The following ZSWIM6 variants were observed in gnomAD, a reference collection of about 807,000 sequenced individuals.
ZSWIM6 encodes zinc finger SWIM domain-containing protein 6.
Under a neutral mutation model 113.2 loss-of-function variants are expected in ZSWIM6, and 9 were observed. That is an observed-to-expected ratio of 0.08 (90% CI 0.05 to 0.14). ZSWIM6 has a LOEUF of 0.14. Among genes scored for constraint, ZSWIM6 ranks in the 10% least tolerant of loss-of-function variants. The pLI is 1.00. For missense variants in ZSWIM6, 1,162 were observed against 1,552.2 expected (o/e 0.75, Z 4.22); for synonymous variants, 611 against 606.5 (o/e 1.01, Z -0.11).
chr5:61,415,391 G>A (rs775917459), intron 1 of ZSWIM6, among the ~76,000 whole-genome samples: 8 of 152,074 alleles, frequency 5.3e-5, no homozygotes, highest in Non-Finnish European at 7.4e-5. Flanking sequence ...TCAGGAGATC[G>A]AGGCCATCCT....
chr5:61,486,810 A>G (rs950502550), intron 2 of ZSWIM6, among the ~76,000 whole-genome samples: 2 of 151,368 alleles, frequency 1.3e-5, no homozygotes, highest in African/African-American at 4.9e-5. Flanking sequence ...TTTTTGTTTG[A>G]TTTCCTTGTA....
In ZSWIM6 at chr5:61,431,403, C is replaced by T. The variant is rs1323575687; in HGVS notation, c.677-41278C>T. ...AAAAAAAAAAAAAAAAAAAAATCAT[C>T]TTATGGTAAATAAATCGTGATCTTT... is the stretch of plus-strand genomic sequence containing the variant. On this transcript the variant is annotated intron_variant, in intron 1 of 13. Transcript: ENST00000252744. 3.0e-5 allele frequency among the ~76,000 whole-genome samples: 4 copies of T among 132,986 alleles called. No individual in the cohort carries two copies. The Admixed American group carries it at 3.1e-4, about 10-fold the overall frequency. 87.2% of individuals were successfully genotyped at this position (132,986 alleles called of 152,430 possible).
intron 1 of ZSWIM6, among the ~76,000 whole-genome samples, chr5:61,422,795 T>G (rs1005303522): frequency 6.6e-6 from 1 of 152,198 alleles, no homozygotes; most frequent in Non-Finnish European, 1.5e-5. Flanking sequence ...CCTTGGTTAA[T>G]TCCTAGGTAT....
At chr5:61,397,794 A>G (rs552520147) in intron 1 of ZSWIM6, among the ~76,000 whole-genome samples, 9 of 152,332 alleles carry the variant, frequency 5.9e-5, no homozygotes, top group Non-Finnish European at 1.5e-5. Context: ...CCAAGTGTAG[A>G]GAATGGGCTT....
chr5:61,487,902 T>A (rs1056889431), intron 2 of ZSWIM6, among the ~76,000 whole-genome samples: 1 of 152,102 alleles, frequency 6.6e-6, no homozygotes, highest in Non-Finnish European at 1.5e-5. Flanking sequence ...TGAGTAGGAC[T>A]TCCAGCATTA....
At chr5:61,528,389 T>C (rs922376339) in intron 7 of ZSWIM6, among the ~76,000 whole-genome samples, 3 of 152,042 alleles carry the variant, frequency 2.0e-5, no homozygotes, top group African/African-American at 7.2e-5. Context: ...TACATACACA[T>C]ATATATACAT....
intron 3 of ZSWIM6, among the ~76,000 whole-genome samples, chr5:61,491,259 CTAGT>C (rs1226048421): frequency 6.6e-6 from 1 of 151,818 alleles, no homozygotes; most frequent in Non-Finnish European, 1.5e-5. Flanking sequence ...TTTTCCCTTT[CTAGT>C]TAATTTTCCC....
chr5:61,489,572 A>T (rs1748125622), intron 2 of ZSWIM6, among the ~76,000 whole-genome samples: 1 of 152,110 alleles, frequency 6.6e-6, no homozygotes, highest in South Asian at 2.1e-4. Flanking sequence ...CAGATTAATC[A>T]TATGAACACA....
intron 1 of ZSWIM6, among the ~76,000 whole-genome samples, chr5:61,393,002 A>G (rs1489373830): frequency 6.6e-6 from 1 of 151,874 alleles, no homozygotes; most frequent in African/African-American, 2.4e-5. Flanking sequence ...TCTCATATAT[A>G]TATATAAAAT....
At chr5:61,355,589 A>G (rs1261036734) in intron 1 of ZSWIM6, among the ~76,000 whole-genome samples, 1 of 152,114 alleles carries the variant, frequency 6.6e-6, no homozygotes, top group Admixed American at 6.6e-5. Context: ...TAAAAAATAT[A>G]ATTTACAAGT....
At chr5:61,418,310 C>G (rs1030274688) in intron 1 of ZSWIM6, among the ~76,000 whole-genome samples, 1 of 152,066 alleles carries the variant, frequency 6.6e-6, no homozygotes, top group African/African-American at 2.4e-5. Flanking sequence ...CTCTGTCGCC[C>G]AGGCTGGAGT....
At chr5:61,479,812 A>G (rs1293803342) in intron 2 of ZSWIM6, among the ~76,000 whole-genome samples, 1 of 152,206 alleles carries the variant, frequency 6.6e-6, no homozygotes, top group Non-Finnish European at 1.5e-5. Context: ...AGGATGGTCA[A>G]GGAGTAAAAG....
chr5:61,363,561 G>C (rs1745076718), intron 1 of ZSWIM6, among the ~76,000 whole-genome samples: 1 of 152,128 alleles, frequency 6.6e-6, no homozygotes, highest in African/African-American at 2.4e-5. Context: ...TCTGGAAATA[G>C]CTGGTATCAT....
intron 1 of ZSWIM6, among the ~76,000 whole-genome samples, chr5:61,414,293 T>TG (rs1746203371): frequency 6.6e-6 from 1 of 151,776 alleles, no homozygotes; most frequent in Admixed American, 6.6e-5. Context: ...TTGGATGGGA[T>TG]GGGGAAAAAA....
intron 1 of ZSWIM6, among the ~76,000 whole-genome samples, chr5:61,454,768 G>A (rs1458009405): frequency 6.6e-6 from 1 of 151,908 alleles, no homozygotes; most frequent in Non-Finnish European, 1.5e-5. Context: ...ATTTTTAGTA[G>A]AGATAGGGTT....
At chr5:61,436,072 A>G (rs574291460) in intron 1 of ZSWIM6, among the ~76,000 whole-genome samples, 292 of 152,102 alleles carry the variant, frequency 1.9e-3, no homozygotes, top group African/African-American at 6.6e-3. Flanking sequence ...GTGGTGGTGC[A>G]TGCCTGTAAT....
rs541042237 is a variant in ZSWIM6, at chr5:61,432,702, C to T, written c.677-39979C>T. ...TAATGATGATGTTGTTAACTTATTC[C>T]CAGTTTGTTCCAGATACTGTCTACT... On this transcript the variant is annotated intron_variant, in intron 1 of 13. Transcript: ENST00000252744. Among the ~76,000 whole-genome samples the T allele has an allele frequency of 3.9e-5, 6 of 152,200 alleles. No homozygotes were observed. In the South Asian group the frequency reaches 1.0e-3, roughly 26 times the overall value.
intron 4 of ZSWIM6, among the ~76,000 whole-genome samples, chr5:61,506,394 C>T (rs956238329): frequency 6.6e-6 from 1 of 151,932 alleles, no homozygotes; most frequent in Non-Finnish European, 1.5e-5. Context: ...ACCAGCCTGG[C>T]CAACACAGTG....
At chr5:61,429,359 T>C (rs1174580574) in intron 1 of ZSWIM6, among the ~76,000 whole-genome samples, 2 of 152,184 alleles carry the variant, frequency 1.3e-5, no homozygotes, top group Non-Finnish European at 2.9e-5. Context: ...CCTATCTGTT[T>C]AAGGTAAGAG....
Sources: gnomAD v4.1 joint callset for allele counts (sites outside exome capture counted in the v4.1 genomes callset) on GRCh38, gnomAD v4.1.1 for gene constraint, MANE v1.5 for transcripts, NCBI Gene and HGNC (gene_info 2026-07-23, HGNC 2026-07-21) for gene names.